MRPS27: variants seen among roughly 807,000 people sequenced by gnomAD.
MRPS27 encodes the protein small ribosomal subunit protein mS27.
Under a neutral mutation model 48.9 loss-of-function variants are expected in MRPS27, and 43 were observed. That is an observed-to-expected ratio of 0.88 (90% CI 0.69 to 1.13). MRPS27 has a LOEUF of 1.13. MRPS27 is among the 50% of genes most tolerant of loss of function. The pLI is 0.00. For missense variants in MRPS27, 467 were observed against 476.3 expected (o/e 0.98, Z 0.18); for synonymous variants, 188 against 171.9 (o/e 1.09, Z -0.73).
chr5:72,302,737 T>C (rs917014094), intron 2 of MRPS27, among the ~76,000 whole-genome samples: 1 of 152,200 alleles, frequency 6.6e-6, no homozygotes, highest in Non-Finnish European at 1.5e-5. Flanking sequence ...TCTACAGTGA[T>C]GGAGAGCTTT....
intron 9 of MRPS27, 124 bp downstream of exon 9, chr5:72,225,933 T>G: frequency 1.8e-6 from 2 of 1,138,988 alleles, no homozygotes; most frequent in Non-Finnish European, 2.4e-6. Context: ...TTCGACTTGA[T>G]AAATACCTAT....
chr5:72,268,625 A>T (rs779078586), intron 4 of MRPS27, among the ~76,000 whole-genome samples: 6 of 152,210 alleles, frequency 3.9e-5, no homozygotes, highest in Non-Finnish European at 8.8e-5. Flanking sequence ...TCAAAAAATT[A>T]TGGATCAAGG....
intron 4 of MRPS27, among the ~76,000 whole-genome samples, chr5:72,291,160 A>G (rs1749808987): frequency 6.6e-6 from 1 of 152,196 alleles, no homozygotes; most frequent in South Asian, 2.1e-4. Flanking sequence ...CCCATCAATT[A>G]TATGCTTGTC....
At chr5:72,266,379 A>G (rs927134654) in intron 4 of MRPS27, among the ~76,000 whole-genome samples, 1 of 152,134 alleles carries the variant, frequency 6.6e-6, no homozygotes, top group Non-Finnish European at 1.5e-5. Context: ...GACTGCCCCA[A>G]CTCCTAGCCT....
chr5:72,286,136 T>C (rs1404203179), intron 4 of MRPS27, among the ~76,000 whole-genome samples: 1 of 152,246 alleles, frequency 6.6e-6, no homozygotes, highest in African/African-American at 2.4e-5. Flanking sequence ...ATGTATTTCT[T>C]GAATTGATAT....
intron 4 of MRPS27, among the ~76,000 whole-genome samples, chr5:72,290,696 CAA>C (rs1274220664): frequency 6.6e-6 from 1 of 152,116 alleles, no homozygotes; most frequent in African/African-American, 2.4e-5. Context: ...CAAATATTAA[CAA>C]GAGGGCGTGT....
intron 1 of MRPS27, among the ~76,000 whole-genome samples, chr5:72,318,149 T>C (rs73102428): frequency 0.17 from 25,514 of 152,268 alleles, 5,546 homozygotes; most frequent in African/African-American, 0.51. Context: ...TTTAAGTCAT[T>C]TGTAGATTAC....
intron 2 of MRPS27, among the ~76,000 whole-genome samples, chr5:72,303,536 A>T (rs1750178366): frequency 6.6e-6 from 1 of 152,208 alleles, no homozygotes; most frequent in African/African-American, 2.4e-5. Context: ...ATACAATCTC[A>T]AGTCAAAAAA....
intron 4 of MRPS27, among the ~76,000 whole-genome samples, chr5:72,241,244 C>T (rs191772759): frequency 6.6e-6 from 1 of 152,160 alleles, no homozygotes; most frequent in African/African-American, 2.4e-5. Flanking sequence ...CCTCCCACCT[C>T]GGCTTCCTAA....
At chr5:72,244,030 A>G (rs893154093) in intron 4 of MRPS27, among the ~76,000 whole-genome samples, 3 of 152,192 alleles carry the variant, frequency 2.0e-5, no homozygotes, top group Non-Finnish European at 2.9e-5. Context: ...GGAAAAGCAA[A>G]TAAGATAATA....
chr5:72,316,172 T>C (rs1235463561), intron 1 of MRPS27, among the ~76,000 whole-genome samples: 1 of 152,186 alleles, frequency 6.6e-6, no homozygotes, highest in Non-Finnish European at 1.5e-5. Flanking sequence ...GGCAAGTCTG[T>C]AGAGACAGAA....
chr5:72,307,376 G>C (rs990142720), intron 2 of MRPS27, among the ~76,000 whole-genome samples: 9 of 152,056 alleles, frequency 5.9e-5, no homozygotes, highest in African/African-American at 2.2e-4. Flanking sequence ...AAGAAAGAGA[G>C]TATCAGGGAT....
chr5:72,304,327 A>G (rs561779084), intron 2 of MRPS27, among the ~76,000 whole-genome samples: 19 of 152,336 alleles, frequency 1.2e-4, no homozygotes, highest in African/African-American at 3.6e-4. Context: ...CAATCACAAA[A>G]TGTGACAGAA....
intron 6 of MRPS27, among the ~76,000 whole-genome samples, chr5:72,233,711 C>A (rs1210480567): frequency 6.6e-6 from 1 of 151,544 alleles, no homozygotes; most frequent in Non-Finnish European, 1.5e-5. Flanking sequence ...AACAAACAAG[C>A]CAGTAATATT....
intron 4 of MRPS27, among the ~76,000 whole-genome samples, chr5:72,252,054 C>G (rs1748681127): frequency 6.6e-6 from 1 of 151,960 alleles, no homozygotes; most frequent in East Asian, 1.9e-4. Flanking sequence ...TATCTATGAA[C>G]AACAAATATA....
intron 2 of MRPS27, among the ~76,000 whole-genome samples, chr5:72,299,318 G>GAA (rs139795108): frequency 8.9e-5 from 11 of 123,190 alleles, no homozygotes; most frequent in Non-Finnish European, 1.7e-4. Flanking sequence ...AAAAATAAAA[G>GAA]AAAAAAAAAA....
chr5:72,250,358 C>T (rs1002776479), intron 4 of MRPS27, among the ~76,000 whole-genome samples: 1 of 152,170 alleles, frequency 6.6e-6, no homozygotes. Flanking sequence ...TTTCAAGGTG[C>T]ATGACTTTTT....
At chr5:72,306,468 G>A (rs1750271926) in intron 2 of MRPS27, among the ~76,000 whole-genome samples, 1 of 152,186 alleles carries the variant, frequency 6.6e-6, no homozygotes, top group Non-Finnish European at 1.5e-5. Flanking sequence ...ATGGAAGGCA[G>A]AGGAGCACGC....
intron 7 of MRPS27, among the ~76,000 whole-genome samples, chr5:72,231,640 A>G (rs1473216840): frequency 6.6e-6 from 1 of 152,176 alleles, no homozygotes; most frequent in Non-Finnish European, 1.5e-5. Context: ...AGACTATGAC[A>G]CTCATCTTAG....
Sources: gnomAD v4.1 joint callset for allele counts (sites outside exome capture counted in the v4.1 genomes callset) on GRCh38, gnomAD v4.1.1 for gene constraint, MANE v1.5 for transcripts, NCBI Gene and HGNC (gene_info 2026-07-23, HGNC 2026-07-21) for gene names.